Variants in SEMA3A observed in about 807,000 individuals in gnomAD.
SEMA3A encodes the protein semaphorin 3A.
In SEMA3A, 29 loss-of-function variants were observed where a neutral mutation model predicts 97.9. That is an observed-to-expected ratio of 0.30 (90% CI 0.22 to 0.40). SEMA3A has a LOEUF of 0.40. Among genes scored for constraint, SEMA3A ranks in the 10% least tolerant of loss-of-function variants. The pLI, the probability that SEMA3A is intolerant of heterozygous loss-of-function variation, is 1.00. For missense variants in SEMA3A, 763 were observed against 951.3 expected (o/e 0.80, Z 2.60); for synonymous variants, 321 against 323.7 (o/e 0.99, Z 0.09).
chr7:84,401,394 T>C (rs1259644760), intron 1 of SEMA3A, among the ~76,000 whole-genome samples: 1 of 151,890 alleles, frequency 6.6e-6, no homozygotes, highest in African/African-American at 2.4e-5. Flanking sequence ...TTTTCATGGA[T>C]TGAAAGAATT....
intron 2 of SEMA3A, among the ~76,000 whole-genome samples, chr7:84,369,500 G>A (rs1477814636): frequency 1.3e-5 from 2 of 150,910 alleles, no homozygotes; most frequent in African/African-American, 2.4e-5. Flanking sequence ...TGACAGACTT[G>A]GTACGAAAGA....
At chr7:84,127,708 T>C (rs1795842550) in intron 3 of SEMA3A, among the ~76,000 whole-genome samples, 1 of 152,182 alleles carries the variant, frequency 6.6e-6, no homozygotes, top group South Asian at 2.1e-4. Flanking sequence ...ATTGAGTCAG[T>C]CTTTTCCCAG....
intron 15 of SEMA3A, among the ~76,000 whole-genome samples, chr7:83,970,248 G>A (rs948719398): frequency 2.0e-5 from 3 of 152,070 alleles, no homozygotes; most frequent in African/African-American, 7.2e-5. Flanking sequence ...CTTTTAGTGG[G>A]ATAATTTATG....
intron 6 of SEMA3A, among the ~76,000 whole-genome samples, chr7:84,029,442 G>A (rs927914507): frequency 1.3e-5 from 2 of 152,214 alleles, no homozygotes; most frequent in South Asian, 2.1e-4. Context: ...ATATGGATTC[G>A]AAGGATTTCA....
rs79602436 is a variant in SEMA3A at position 84,232,909 on chromosome 7, A to G, written c.-82-38241T>C. On this transcript the variant is annotated intron_variant, in intron 3 of 3. Coordinates refer to the SEMA3A transcript ENST00000424555. ...TGAGCCAAGTGTCAGCTCTTCCCCTAGTGGATAGCTTACATAGTGTTTGAT... is the reference window on the plus strand; with the variant it reads ...TGAGCCAAGTGTCAGCTCTTCCCCTGGTGGATAGCTTACATAGTGTTTGAT... Among the ~76,000 whole-genome samples the G allele has an allele frequency of 4.8e-3, 732 of 152,016 alleles. 3 individuals are homozygous for G. Among genetic ancestry groups the G allele is most frequent in the Non-Finnish European group, 8.1e-3 (553 of 67,908 alleles).
intron 1 of SEMA3A, among the ~76,000 whole-genome samples, chr7:84,145,140 T>A (rs1045483220): frequency 4.6e-5 from 7 of 152,152 alleles, no homozygotes; most frequent in Non-Finnish European, 8.8e-5. Context: ...CTCACCTGCT[T>A]AGGTAAATTT....
chr7:83,959,709 G>A lies in SEMA3A; in HGVS notation c.*1662C>T, dbSNP rs888782594. ...AGACAGCTAGAGTTAGAATTTCAAT[G>A]TTGCTTCATTAATTACTAATAAGAT... is the stretch of plus-strand genomic sequence containing the variant. On this transcript the variant is annotated 3_prime_UTR_variant, in exon 17 of 17. Transcript: ENST00000265362. 1 of 152,078 alleles carries A rather than the reference G, an allele frequency of 6.6e-6. No homozygotes were observed. The highest frequency in any genetic ancestry group is 1.5e-5 in the Non-Finnish European group (1 of 67,944). The allele number at this position is 152,078 out of a possible 1,614,324, so 9.4% of individuals were successfully genotyped here.
chr7:84,449,561 T>C (rs1805508033), intron 1 of SEMA3A, among the ~76,000 whole-genome samples: 1 of 152,164 alleles, frequency 6.6e-6, no homozygotes, highest in African/African-American at 2.4e-5. Context: ...TTAAAGTAAT[T>C]GAATTTATTA....
intron 3 of SEMA3A, among the ~76,000 whole-genome samples, chr7:84,275,314 T>C (rs891271880): frequency 6.6e-6 from 1 of 152,124 alleles, no homozygotes; most frequent in African/African-American, 2.4e-5. Context: ...ATTAATGACA[T>C]GAGACAATCT....
intron 2 of SEMA3A, among the ~76,000 whole-genome samples, chr7:84,131,770 A>G (rs13310638): frequency 0.8 from 122,053 of 151,838 alleles, 49,093 homozygotes; most frequent in East Asian, 0.93. Context: ...TGTATAAACA[A>G]ATTATTTATT....
rs1379653487 is a variant in SEMA3A at position 83,958,216 on chromosome 7, G to C, written c.*3155C>G. On this transcript the variant is annotated 3_prime_UTR_variant, in exon 17 of 17. Transcript: ENST00000265362. ...CCATAAATATAGAACCCAGTTTACA[G>C]ATGACTACAATGAAGAAATCTGTTA... is the stretch of plus-strand genomic sequence containing the variant. 2 of 152,430 alleles carry C rather than the reference G, an allele frequency of 1.3e-5. No homozygotes were observed. Among genetic ancestry groups the C allele is most frequent in the East Asian group, 1.9e-4 (1 of 5,194 alleles). 9.4% of individuals were successfully genotyped at this position (152,430 alleles called of 1,614,324 possible).
chr7:84,173,216 A>G (rs1797447034), intron 1 of SEMA3A, among the ~76,000 whole-genome samples: 1 of 152,130 alleles, frequency 6.6e-6, no homozygotes, highest in Admixed American at 6.5e-5. Flanking sequence ...ATCCTTCCTA[A>G]TCATTAAAAA....
intron 1 of SEMA3A, among the ~76,000 whole-genome samples, chr7:84,385,630 G>T (rs1803378488): frequency 6.6e-6 from 1 of 152,036 alleles, no homozygotes; most frequent in South Asian, 2.1e-4. Flanking sequence ...AGGGTTACTA[G>T]AAAGTTGTTT....
At chr7:84,051,561 G>A (rs1176774177) in intron 5 of SEMA3A, among the ~76,000 whole-genome samples, 2 of 152,182 alleles carry the variant, frequency 1.3e-5, no homozygotes, top group South Asian at 4.1e-4. Flanking sequence ...CATTGATTTT[G>A]TATCCTGAGA....
At chr7:84,224,970 G>A (rs892131365) in intron 3 of SEMA3A, among the ~76,000 whole-genome samples, 2 of 152,152 alleles carry the variant, frequency 1.3e-5, no homozygotes, top group African/African-American at 4.8e-5. Flanking sequence ...CCTAGTATAT[G>A]TAATGGAACT....
At chr7:84,276,578 C>A (rs771502571) in intron 3 of SEMA3A, among the ~76,000 whole-genome samples, 1 of 152,028 alleles carries the variant, frequency 6.6e-6, no homozygotes, top group Non-Finnish European at 1.5e-5. Flanking sequence ...AATTTTAAAA[C>A]AATTTAATTT....
chr7:84,483,551 C>T (rs1047147011), intron 1 of SEMA3A, among the ~76,000 whole-genome samples: 18 of 152,134 alleles, frequency 1.2e-4, no homozygotes, highest in Non-Finnish European at 4.4e-5. Flanking sequence ...CCTGCTAGCA[C>T]CTGAGTTGTT....
At chr7:84,171,906 A>G (rs1036825743) in intron 1 of SEMA3A, among the ~76,000 whole-genome samples, 11 of 152,208 alleles carry the variant, frequency 7.2e-5, no homozygotes, top group African/African-American at 2.4e-4. Context: ...TTCAAACCAT[A>G]TCAGGCTGCT....
intron 1 of SEMA3A, among the ~76,000 whole-genome samples, chr7:84,143,203 G>T (rs1796349368): frequency 6.6e-6 from 1 of 151,992 alleles, no homozygotes; most frequent in African/African-American, 2.4e-5. Flanking sequence ...CAAAACACAT[G>T]CACTTTCTAC....
Sources: allele counts gnomAD v4.1 joint callset (sites outside exome capture counted in the v4.1 genomes callset), GRCh38; gene constraint gnomAD v4.1.1; transcripts MANE v1.5; gene names NCBI Gene and HGNC (gene_info 2026-07-23, HGNC 2026-07-21).